The following ALDH3A1 variants were observed in gnomAD, a reference collection of about 807,000 sequenced individuals.
ALDH3A1 encodes aldehyde dehydrogenase, dimeric NADP-preferring.
ALDH3A1 carries 46 observed loss-of-function variants against 49.9 expected under a neutral mutation model. That is an observed-to-expected ratio of 0.92 (90% CI 0.73 to 1.18). The LOEUF (loss-of-function observed/expected upper bound fraction) is 1.18. Ranked by LOEUF, ALDH3A1 falls within the 50% of genes most tolerant of loss-of-function variation. The pLI is 0.00. For synonymous variants in ALDH3A1, 269 were observed against 253.3 expected (o/e 1.06, Z -0.59); for missense variants, 592 against 611.8 (o/e 0.97, Z 0.34).
Position 19,739,652 on chromosome 17 carries a change from C to T in ALDH3A1, c.972G>A (p.Val324=), listed in dbSNP as rs749825029. 15 of 1,613,656 alleles carry T rather than the reference C, an allele frequency of 9.3e-6. No individual in the cohort carries two copies. In the Admixed American group the frequency reaches 2.3e-4, roughly 25 times the overall value. The stretch of plus-strand genomic sequence containing the variant: ...CTTGCATCACCGGGGACTGGGGGTC[C>T]ACGTCCGTGAGGATGGTGGGGGCTG... ...RYIAPTILTD[V]DPQSPVMQEE... is the part of the protein sequence containing the mutation. Residue 324 remains valine (V), a synonymous_variant, in exon 8 of 11, where the codon GTG becomes GTA. Coordinates refer to ENST00000225740, the MANE Select transcript of ALDH3A1 (RefSeq NM_000691.5).
In ALDH3A1 at chr17:19,743,275, G is replaced by C; in HGVS notation, c.351C>G (p.Pro117=). The change falls in exon 3 of 11, where the codon CCC becomes CCG. Residue 117 remains proline (P), a synonymous_variant. Transcript: ENST00000225740. The surrounding 1 kb of genome is among the most constrained non-coding windows in gnomAD (Gnocchi z 4.4). ...CCATGGGCTGGATGGTGAGGTTGAA[G>C]GGGTAGTTCCAGGTGCCAATGACGA... is the stretch of plus-strand genomic sequence containing the variant. ...VVLVIGTWNY[P]FNLTIQPMVG... 1 of 1,614,102 alleles carries C rather than the reference G, an allele frequency of 6.2e-7. No individual in the cohort carries two copies. Among genetic ancestry groups the C allele is most frequent in the Non-Finnish European group, 8.5e-7 (1 of 1,180,012 alleles).
chr17:19,744,212 T>C (rs1425784275), intron 2 of ALDH3A1: 1 of 785,064 alleles, frequency 1.3e-6, no homozygotes, highest in East Asian at 1.3e-4. Flanking sequence ...AAGACCAGCC[T>C]GTCCAACATG....
At chr17:19,744,136 GC>G in intron 2 of ALDH3A1, 1 of 984,992 alleles carries the variant, frequency 1.0e-6, no homozygotes, top group Non-Finnish European at 1.2e-6. Flanking sequence ...TGTGGCTCAT[GC>G]CTGTAATCCC....
At chr17:19,744,056 C>T in intron 2 of ALDH3A1, 2 of 985,260 alleles carry the variant, frequency 2.0e-6, no homozygotes, top group Non-Finnish European at 2.4e-6. Context: ...AATGGGTTTC[C>T]TTGTTGTTTC....
intron 2 of ALDH3A1, 40 bp downstream of exon 2, chr17:19,744,928 G>A: frequency 1.2e-6 from 1 of 858,034 alleles, no homozygotes; most frequent in Non-Finnish European, 1.5e-6. Flanking sequence ...CCATCGCATG[G>A]CCCCGACACT....
Position 19,743,521 on chromosome 17 carries a change from G to T in ALDH3A1, c.163-58C>A, listed in dbSNP as rs930882593. The stretch of plus-strand genomic sequence containing the variant: ...GCCAGGGCCCGCCTGCAGCTGGGGC[G>T]AGTGGGGAGCCCCACTGCTCAGCTG... On this transcript the variant is annotated intron_variant, in intron 2 of 10. Coordinates refer to ENST00000225740, the MANE Select transcript of ALDH3A1 (RefSeq NM_000691.5). This position sits in a 1 kb window ranked among gnomAD's most constrained non-coding sequence, Gnocchi z 4.4. 5 of 1,534,184 alleles carry T rather than the reference G, an allele frequency of 3.3e-6. No homozygotes were observed.
rs1045037037 is a variant in ALDH3A1, at chr17:19,743,307, C to G, written c.319G>C (p.Val107Leu). ...ELYIHSEPLG[V>L]VLVIGTWNYP... ...TTCCAGGTGCCAATGACGAGGACCA[C>G]GCCCAGTGGCTCCGAGTGGATGTAG... Residue 107 changes from valine to leucine, a missense_variant, in exon 3 of 11, where the codon GTG (valine) becomes CTG (leucine). Transcript: ENST00000225740. The surrounding 1 kb of genome is among the most constrained non-coding windows in gnomAD (Gnocchi z 4.4). The G allele has an allele frequency of 1.9e-6, 3 of 1,614,194 alleles. No individual in the cohort carries two copies. The highest frequency in any genetic ancestry group is 1.1e-5 in the South Asian group (1 of 91,090).
chr17:19,738,614 C>T (rs1251399009), intron 9 of ALDH3A1, 161 bp from the exon 10 acceptor site: 14 of 1,104,946 alleles, frequency 1.3e-5, no homozygotes, highest in African/African-American at 3.1e-5. Context: ...GCCCTCAGCA[C>T]CCAGCCCCAG....
chr17:19,739,171 G>A, intron 8 of ALDH3A1, 76 bp from the exon 9 acceptor site: 2 of 1,333,198 alleles, frequency 1.5e-6, no homozygotes, highest in Non-Finnish European at 2.1e-6. Context: ...CCCTGCCTGG[G>A]TATAGCCTGG....
intron 1 of ALDH3A1, among the ~76,000 whole-genome samples, chr17:19,746,746 T>C (rs942415259): frequency 6.6e-6 from 1 of 151,816 alleles, no homozygotes; most frequent in Non-Finnish European, 1.5e-5. Context: ...CGTGTGTGTG[T>C]GGGCGTGCAC....
At chr17:19,742,916 C>T (rs1002786298) in intron 3 of ALDH3A1, 73 of 1,526,248 alleles carry the variant, frequency 4.8e-5, no homozygotes, top group Non-Finnish European at 5.9e-5. Flanking sequence ...TCTGGGGGCC[C>T]GGTTGGTAGA....
chr17:19,738,047 T>C lies in ALDH3A1; in HGVS notation c.*174A>G. 6.5e-7 allele frequency: 1 copy of C among 1,530,036 alleles called. No individual in the cohort carries two copies. Among genetic ancestry groups the C allele is most frequent in the Non-Finnish European group, 8.8e-7 (1 of 1,140,890 alleles). The allele number at this position is 1,530,036 out of a possible 1,614,324, so 94.8% of individuals were successfully genotyped here. On this transcript the variant is annotated 3_prime_UTR_variant, in exon 11 of 11. Transcript: ENST00000225740. ...TCTAGAAAGGGGTGGAGACTTGGAA[T>C]GGTGAGGCCTGGGCCCATGTGGGAG...
rs1216817319 is a variant in ALDH3A1 at position 19,743,911 on chromosome 17, G to A, written c.163-448C>T. On this transcript the variant is annotated intron_variant, in intron 2 of 10. Transcript: ENST00000225740. The surrounding 1 kb of genome is among the most constrained non-coding windows in gnomAD (Gnocchi z 4.4). ...CTTTAGTTGTCTGGAGGGGGATGCA[G>A]GACCAAGGGCTGCTGGGCGCTCAGG... The A allele has an allele frequency of 1.0e-6, 1 of 985,150 alleles. No individual in the cohort carries two copies. The highest frequency in any genetic ancestry group is 1.2e-6 in the Non-Finnish European group (1 of 829,870). The allele number at this position is 985,150 out of a possible 1,614,324, so 61.0% of individuals were successfully genotyped here.
At chr17:19,742,332 G>C (rs765236467) in intron 4 of ALDH3A1, 120 bp from the exon 5 acceptor site, 4 of 1,205,316 alleles carry the variant, frequency 3.3e-6, no homozygotes, top group Non-Finnish European at 4.7e-6. Context: ...CCCACCTTGG[G>C]CGGGGGGTAG....
intron 4 of ALDH3A1, 27 bp downstream of exon 4, chr17:19,742,518 G>A: frequency 6.2e-7 from 1 of 1,604,678 alleles, no homozygotes; most frequent in Non-Finnish European, 8.5e-7. Flanking sequence ...AGGCCATGGA[G>A]TTACGAGGCC....
chr17:19,747,428 C>T (rs1163007935), intron 1 of ALDH3A1, among the ~76,000 whole-genome samples: 1 of 152,176 alleles, frequency 6.6e-6, no homozygotes, highest in African/African-American at 2.4e-5. Context: ...GAGAAGGTCC[C>T]GCTTCTCTCC....
rs1275063281 is a variant in ALDH3A1 at position 19,743,990 on chromosome 17, G to C, written c.163-527C>G. 2.0e-6 allele frequency: 2 copies of C among 985,370 alleles called. No homozygotes were observed. The highest frequency in any genetic ancestry group is 2.4e-6 in the Non-Finnish European group (2 of 829,912). 61.0% of individuals were successfully genotyped at this position (985,370 alleles called of 1,614,324 possible). On this transcript the variant is annotated intron_variant, in intron 2 of 10. Coordinates refer to ENST00000225740, the MANE Select transcript of ALDH3A1 (RefSeq NM_000691.5). This position sits in a 1 kb window ranked among gnomAD's most constrained non-coding sequence, Gnocchi z 4.4. ...AGGAGATGCAGACGGCGGAAAACGC[G>C]TCTCTTTTATAAACTTGGGCTGTGA...
chr17:19,739,567 G>A lies in ALDH3A1; in HGVS notation c.1057C>T (p.Gln353Ter). 1.9e-6 allele frequency: 3 copies of A among 1,613,648 alleles called. No homozygotes were observed. The highest frequency in any genetic ancestry group is 2.5e-6 in the Non-Finnish European group (3 of 1,179,904). Residue 353 changes from glutamine to a stop codon, truncating the protein, a stop_gained, in exon 8 of 11, where the codon CAG becomes TAG. Coordinates refer to ENST00000225740, the MANE Select transcript of ALDH3A1 (RefSeq NM_000691.5). LOFTEE classifies it high-confidence loss of function. ...VCVRSLEEAIQFINQREKPLA... is the reference protein window; with the variant it reads ...VCVRSLEEAI ...GGCTTCTCACGCTGGTTGATGAACT[G>A]GATGGCCTCCTCCAGGCTGCGCACG...
chr17:19,742,592 TCTCA>T lies in ALDH3A1; in HGVS notation c.429_432del (p.Ser143ArgfsTer22), dbSNP rs568618148. 2.6e-4 allele frequency: 424 copies of T among 1,614,022 alleles called. 2 individuals are homozygous for T. The Admixed American group carries it at 2.6e-3, about 10-fold the overall frequency. On this transcript the variant is annotated frameshift_variant, in exon 4 of 11. Coordinates refer to ENST00000225740, the MANE Select transcript of ALDH3A1 (RefSeq NM_000691.5). LOFTEE classifies it high-confidence loss of function. ...ATGGTAGCCAGCAGGCTCGCCATGTTCTCACTCAGCTCCGAGGGCTTGAGGACCA... is the reference window on the plus strand; with the variant it reads ...ATGGTAGCCAGCAGGCTCGCCATGTTCTCAGCTCCGAGGGCTTGAGGACCA...
Sources: gnomAD v4.1 joint callset for allele counts (sites outside exome capture counted in the v4.1 genomes callset) on GRCh38, gnomAD v4.1.1 for gene constraint, Gnocchi (gnomAD v3.1) non-coding constraint, MANE v1.5 for transcripts, NCBI Gene and HGNC (gene_info 2026-07-23, HGNC 2026-07-21) for gene names.